The following COL28A1 variants were observed in gnomAD, a reference collection of about 807,000 sequenced individuals.
COL28A1 encodes collagen type XXVIII alpha 1 chain.
COL28A1 carries 161 observed loss-of-function variants against 150.2 expected under a neutral mutation model. That is an observed-to-expected ratio of 1.07 (90% CI 0.94 to 1.22). The LOEUF (loss-of-function observed/expected upper bound fraction) is 1.22. Ranked by LOEUF, COL28A1 falls within the 50% of genes most tolerant of loss-of-function variation. The pLI, the probability that COL28A1 is intolerant of heterozygous loss-of-function variation, is 0.00. For missense variants in COL28A1, 1,617 were observed against 1,388.3 expected (o/e 1.16, Z -2.62); for synonymous variants, 552 against 469.7 (o/e 1.18, Z -2.26).
intron 15 of COL28A1, among the ~76,000 whole-genome samples, chr7:7,461,667 C>T (rs1787636653): frequency 6.6e-6 from 1 of 152,106 alleles, no homozygotes; most frequent in South Asian, 2.1e-4. Flanking sequence ...CCATTATCCT[C>T]CTAGGTATAC....
chr7:7,498,848 G>T (rs1227916656), intron 11 of COL28A1, among the ~76,000 whole-genome samples: 1 of 152,000 alleles, frequency 6.6e-6, no homozygotes, highest in African/African-American at 2.4e-5. Flanking sequence ...TGTGGGAAAT[G>T]TTGGCAGCAT....
At chr7:7,403,062 G>A (rs376733068) in intron 27 of COL28A1, among the ~76,000 whole-genome samples, 1 of 152,194 alleles carries the variant, frequency 6.6e-6, no homozygotes, top group Non-Finnish European at 1.5e-5. Context: ...GAAGTGCTAT[G>A]ATGTGGACTA....
chr7:7,373,023 C>G lies in COL28A1; in HGVS notation c.2883G>C (p.Gln961His). Residue 961 changes from glutamine to histidine, a missense_variant, in exon 32 of 35, where the codon CAG (glutamine) becomes CAC (histidine). Physicochemically the swap from Gln to His is conservative, Grantham distance 24. Transcript: ENST00000399429. The surrounding 1 kb of genome is among the most constrained non-coding windows in gnomAD (Gnocchi z 4.1). ...LIATDPEHVY[Q>H]FDDFFTLQDT... is the part of the protein sequence containing the mutation. ...CTTGCAGGGTAAAGAAATCATCAAA[C>G]TGGTAAACATGCTCTGGGTCAGTAG... 2 of 1,613,914 alleles carry G rather than the reference C, an allele frequency of 1.2e-6. No homozygotes were observed. Among genetic ancestry groups the G allele is most frequent in the Non-Finnish European group, 1.7e-6 (2 of 1,179,894 alleles).
At chr7:7,412,345 G>A (rs779782359) in intron 27 of COL28A1, among the ~76,000 whole-genome samples, 4 of 152,032 alleles carry the variant, frequency 2.6e-5, no homozygotes, top group Admixed American at 1.3e-4. Flanking sequence ...CACATTGGAC[G>A]GTTATGTGAG....
intron 30 of COL28A1, among the ~76,000 whole-genome samples, chr7:7,376,353 A>G (rs1022482453): frequency 2.6e-5 from 4 of 152,242 alleles, no homozygotes; most frequent in African/African-American, 9.6e-5. Context: ...ATAATGTCAA[A>G]TCGAGGTGGA....
chr7:7,472,119 G>T (rs1452601612), intron 15 of COL28A1, among the ~76,000 whole-genome samples: 2 of 152,132 alleles, frequency 1.3e-5, no homozygotes, highest in East Asian at 3.9e-4. Context: ...AACAAGACAA[G>T]GATGCCCACT....
At chr7:7,384,108 T>G (rs1782048784) in intron 27 of COL28A1, among the ~76,000 whole-genome samples, 1 of 152,146 alleles carries the variant, frequency 6.6e-6, no homozygotes, top group African/African-American at 2.4e-5. Context: ...GCCTCCCCAG[T>G]TCAACACCAG....
upstream of COL28A1, among the ~76,000 whole-genome samples, chr7:7,538,855 GA>G (rs1161885524): frequency 4.0e-4 from 58 of 143,750 alleles, no homozygotes; most frequent in African/African-American, 7.8e-4. Context: ...ATCTAGAGTA[GA>G]AAAAAAAAAA....
chr7:7,491,158 T>C (rs910057431), intron 11 of COL28A1, among the ~76,000 whole-genome samples: 3 of 152,146 alleles, frequency 2.0e-5, no homozygotes, highest in East Asian at 1.9e-4. Flanking sequence ...AAACCCCCAA[T>C]TGAGTCAGTC....
chr7:7,525,907 G>A (rs1781999137), intron 3 of COL28A1, among the ~76,000 whole-genome samples: 1 of 152,082 alleles, frequency 6.6e-6, no homozygotes, highest in Non-Finnish European at 1.5e-5. Flanking sequence ...TAAAACCCTA[G>A]CCACAGACAC....
At chr7:7,400,148 G>A (rs1237272583) in intron 27 of COL28A1, among the ~76,000 whole-genome samples, 1 of 152,186 alleles carries the variant, frequency 6.6e-6, no homozygotes, top group African/African-American at 2.4e-5. Flanking sequence ...TTTAATACTT[G>A]AGTAGGCTAA....
intron 18 of COL28A1, among the ~76,000 whole-genome samples, chr7:7,444,760 CTTTGCAGAT>C (rs1161316014): frequency 6.6e-6 from 1 of 152,058 alleles, no homozygotes; most frequent in Non-Finnish European, 1.5e-5. Context: ...GAAACATGGT[CTTTGCAGAT>C]TTAATCAAGT....
At chr7:7,430,221 G>A (rs1490794279) in intron 25 of COL28A1, among the ~76,000 whole-genome samples, 1 of 152,072 alleles carries the variant, frequency 6.6e-6, no homozygotes, top group African/African-American at 2.4e-5. Flanking sequence ...CCGCCTCCCG[G>A]GTTCAAGCAA....
At chr7:7,539,637 T>G (rs146027434), upstream of COL28A1, among the ~76,000 whole-genome samples, 512 of 152,292 alleles carry the variant, frequency 3.4e-3, 2 homozygotes, top group African/African-American at 0.012. Flanking sequence ...ATAAAAATTA[T>G]CATTGGTAAT....
intron 14 of COL28A1, among the ~76,000 whole-genome samples, chr7:7,476,795 C>T (rs1049544766): frequency 2.0e-5 from 3 of 152,156 alleles, no homozygotes; most frequent in Admixed American, 6.5e-5. Context: ...TAGCTACACT[C>T]GATGATTTAA....
At chr7:7,347,096 A>T in the COL28A1 span, among the ~76,000 whole-genome samples, 1 of 152,040 alleles carries the variant, frequency 6.6e-6, no homozygotes, top group Non-Finnish European at 1.5e-5. Flanking sequence ...GGAGTGATGG[A>T]TCTTGATTCA....
At position 7,452,396 on chromosome 7, in the gene COL28A1, A is replaced by T; in HGVS notation, c.1441-9T>A. ...ATTTGGCCTACTTCTCCCTAGTAAG[A>T]AAAGAGTTTAATACAGCAGCAAAGT... On this transcript the variant is annotated splice_polypyrimidine_tract_variant and intron_variant, in intron 17 of 34. Transcript: ENST00000399429. The T allele has an allele frequency of 6.3e-7, 1 of 1,591,436 alleles. No individual in the cohort carries two copies.
the COL28A1 span, among the ~76,000 whole-genome samples, chr7:7,348,204 G>T: frequency 6.6e-6 from 1 of 152,004 alleles, no homozygotes; most frequent in Non-Finnish European, 1.5e-5. Flanking sequence ...GACAATGAGA[G>T]TAAAGTTGGA....
At chr7:7,432,774 C>G (rs1785068827) in intron 23 of COL28A1, 74 bp from the exon 24 acceptor site, 1 of 1,116,892 alleles carries the variant, frequency 9.0e-7, no homozygotes, top group African/African-American at 1.5e-5. Flanking sequence ...AGCATAACAC[C>G]AACTCAATAT....
Sources: allele counts gnomAD v4.1 joint callset (sites outside exome capture counted in the v4.1 genomes callset), GRCh38; gene constraint gnomAD v4.1.1; non-coding constraint Gnocchi (gnomAD v3.1); transcripts MANE v1.5; gene names NCBI Gene and HGNC (gene_info 2026-07-23, HGNC 2026-07-21).